Variants in ZCCHC7 observed in about 807,000 individuals in gnomAD.
ZCCHC7 encodes zinc finger CCHC-type containing 7.
In ZCCHC7, 35 loss-of-function variants were observed where a neutral mutation model predicts 52.0. That is an observed-to-expected ratio of 0.67 (90% confidence interval 0.51 to 0.89). The LOEUF is 0.89. Ranked by LOEUF, ZCCHC7 falls within the 40% of genes least tolerant of loss-of-function variation. The pLI, the probability that ZCCHC7 is intolerant of heterozygous loss-of-function variation, is 0.00. For synonymous variants in ZCCHC7, 217 were observed against 221.5 expected (o/e 0.98, Z 0.18); for missense variants, 574 against 649.1 (o/e 0.88, Z 1.26).
chr9:37,175,310 G>A (rs74796579), intron 2 of ZCCHC7, among the ~76,000 whole-genome samples: 7,687 of 152,114 alleles, frequency 0.051, 640 homozygotes, highest in African/African-American at 0.17. Flanking sequence ...CCTCCAAACT[G>A]AGGACTGATG....
intron 5 of ZCCHC7, among the ~76,000 whole-genome samples, chr9:37,310,438 G>T (rs1476124484): frequency 6.6e-6 from 1 of 152,200 alleles, no homozygotes; most frequent in Non-Finnish European, 1.5e-5. Context: ...TGTGCTGGAG[G>T]AGTGCTTCAT....
chr9:37,273,374 G>T (rs1827521795), intron 2 of ZCCHC7, among the ~76,000 whole-genome samples: 1 of 152,142 alleles, frequency 6.6e-6, no homozygotes, highest in Non-Finnish European at 1.5e-5. Flanking sequence ...ATGGTGGCGG[G>T]TGCCTGTAGT....
intron 2 of ZCCHC7, among the ~76,000 whole-genome samples, chr9:37,297,478 A>G (rs938455442): frequency 6.6e-6 from 1 of 152,190 alleles, no homozygotes; most frequent in Non-Finnish European, 1.5e-5. Context: ...CAAATTCACC[A>G]TTGATTTGTG....
intron 2 of ZCCHC7, among the ~76,000 whole-genome samples, chr9:37,168,686 C>G (rs985338275): frequency 6.6e-6 from 1 of 152,046 alleles, no homozygotes; most frequent in African/African-American, 2.4e-5. Flanking sequence ...TTGCTTGAGC[C>G]CAGGAGTTCA....
intron 2 of ZCCHC7, among the ~76,000 whole-genome samples, chr9:37,228,327 C>T (rs932827816): frequency 6.6e-6 from 1 of 151,666 alleles, no homozygotes; most frequent in African/African-American, 2.4e-5. Flanking sequence ...TTACTTTATG[C>T]ATTTGATTTT....
intron 2 of ZCCHC7, among the ~76,000 whole-genome samples, chr9:37,162,168 A>G (rs1299694932): frequency 1.3e-5 from 2 of 152,096 alleles, no homozygotes; most frequent in Non-Finnish European, 2.9e-5. Context: ...ATACTATAGT[A>G]TATACTACAT....
At chr9:37,176,887 C>T (rs1588431957) in intron 2 of ZCCHC7, among the ~76,000 whole-genome samples, 1 of 152,154 alleles carries the variant, frequency 6.6e-6, no homozygotes, top group African/African-American at 2.4e-5. Context: ...CCAGCCTTTA[C>T]TGTAGCAGTC....
At chr9:37,192,190 A>T (rs998093834) in intron 2 of ZCCHC7, among the ~76,000 whole-genome samples, 1 of 152,146 alleles carries the variant, frequency 6.6e-6, no homozygotes, top group Admixed American at 6.5e-5. Context: ...TCATATAGGA[A>T]TTTTTTCTCC....
At chr9:37,327,426 AC>A (rs973791075) in intron 5 of ZCCHC7, 14 of 186,706 alleles carry the variant, frequency 7.5e-5, no homozygotes, top group Middle Eastern at 2.3e-3. Context: ...CCATCTTACT[AC>A]CAAAGTTCAA....
At chr9:37,230,226 C>T (rs1391148923) in intron 2 of ZCCHC7, among the ~76,000 whole-genome samples, 3 of 152,090 alleles carry the variant, frequency 2.0e-5, no homozygotes, top group Non-Finnish European at 4.4e-5. Flanking sequence ...CAGAAACAGT[C>T]GTTTATTATC....
intron 2 of ZCCHC7, among the ~76,000 whole-genome samples, chr9:37,153,445 A>G (rs929148340): frequency 5.3e-5 from 8 of 152,072 alleles, no homozygotes; most frequent in Admixed American, 2.0e-4. Flanking sequence ...TGCTGGGATT[A>G]CAGGTGTGAG....
intron 5 of ZCCHC7, among the ~76,000 whole-genome samples, chr9:37,310,744 A>C (rs1829554348): frequency 6.6e-6 from 1 of 152,056 alleles, no homozygotes; most frequent in Admixed American, 6.6e-5. Context: ...CTTTAATATA[A>C]CACTCATGAC....
At chr9:37,287,540 T>C (rs1015604619) in intron 2 of ZCCHC7, among the ~76,000 whole-genome samples, 1 of 152,074 alleles carries the variant, frequency 6.6e-6, no homozygotes, top group Non-Finnish European at 1.5e-5. Context: ...CCATGAGCCA[T>C]TGAGTTTTAT....
At chr9:37,122,977 C>T (rs1842383034) in intron 1 of ZCCHC7, among the ~76,000 whole-genome samples, 1 of 152,230 alleles carries the variant, frequency 6.6e-6, no homozygotes. Context: ...TTTTAGTAAA[C>T]AGTTGGCTGA....
At chr9:37,283,200 C>G (rs1828054737) in intron 2 of ZCCHC7, among the ~76,000 whole-genome samples, 1 of 152,010 alleles carries the variant, frequency 6.6e-6, no homozygotes, top group Non-Finnish European at 1.5e-5. Context: ...ATACTTTTCT[C>G]TTTCATGGAG....
chr9:37,178,246 T>C (rs1822153175), intron 2 of ZCCHC7, among the ~76,000 whole-genome samples: 1 of 152,062 alleles, frequency 6.6e-6, no homozygotes, highest in Non-Finnish European at 1.5e-5. Flanking sequence ...AATTTATCAC[T>C]CTTAGTGGAA....
At chr9:37,317,910 G>T (rs1829892552) in intron 5 of ZCCHC7, among the ~76,000 whole-genome samples, 1 of 145,348 alleles carries the variant, frequency 6.9e-6, no homozygotes. Flanking sequence ...ACCATGGTTT[G>T]GGAAAGATTT....
At chr9:37,182,913 GAGCTCAA>G (rs1224546143) in intron 2 of ZCCHC7, among the ~76,000 whole-genome samples, 1 of 152,172 alleles carries the variant, frequency 6.6e-6, no homozygotes, top group African/African-American at 2.4e-5. Context: ...TGGAAGCCAG[GAGCTCAA>G]GGCTGTAGTG....
intron 2 of ZCCHC7, among the ~76,000 whole-genome samples, chr9:37,270,703 A>T (rs1827365708): frequency 6.6e-6 from 1 of 151,438 alleles, no homozygotes; most frequent in Admixed American, 6.6e-5. Context: ...AAAAGAAAAG[A>T]AAAAGACCTC....
Sources: allele counts gnomAD v4.1 joint callset (sites outside exome capture counted in the v4.1 genomes callset), GRCh38; gene constraint gnomAD v4.1.1; transcripts MANE v1.5; gene names NCBI Gene and HGNC (gene_info 2026-07-23, HGNC 2026-07-21).